The following ARFGEF1 variants were observed in gnomAD, a reference collection of about 807,000 sequenced individuals.
The protein encoded by ARFGEF1 is brefeldin A-inhibited guanine nucleotide-exchange protein 1.
Under a neutral mutation model 231.0 loss-of-function variants are expected in ARFGEF1, and 42 were observed. The ratio of observed to expected loss-of-function variants is 0.18; its 90% confidence interval spans 0.14 to 0.24. The LOEUF is 0.24. Ranked by LOEUF, ARFGEF1 falls within the 10% of genes least tolerant of loss-of-function variation. ARFGEF1 has a pLI of 1.00. For synonymous variants in ARFGEF1, 710 were observed against 732.3 expected (o/e 0.97, Z 0.49); for missense variants, 1,345 against 2,192.0 (o/e 0.61, Z 7.72).
intron 7 of ARFGEF1, among the ~76,000 whole-genome samples, chr8:67,284,126 A>T (rs1012325270): frequency 6.6e-6 from 1 of 152,208 alleles, no homozygotes; most frequent in Non-Finnish European, 1.5e-5. Context: ...TATCTGCATA[A>T]GGTAGTATTA....
In ARFGEF1 at chr8:67,198,524, C is replaced by T. The variant is rs1838195243; in HGVS notation, c.*410G>A. ...ATGAACAATAATTTCTTCTTCTCTC[C>T]CCACTCCCCAATTATAAACATTTTA... is the stretch of plus-strand genomic sequence containing the variant. On this transcript the variant is annotated 3_prime_UTR_variant, in exon 39 of 39. Coordinates refer to ENST00000262215, the MANE Select transcript of ARFGEF1 (RefSeq NM_006421.5). The T allele has an allele frequency of 1.0e-6, 1 of 990,844 alleles. No homozygotes were observed. The highest frequency in any genetic ancestry group is 4.6e-5 in the South Asian group (1 of 21,576). The allele number at this position is 990,844 out of a possible 1,614,324, so 61.4% of individuals were successfully genotyped here. A position where few individuals can be genotyped will look rare whatever the true frequency, so the allele number is the denominator to read the frequency against.
intron 7 of ARFGEF1, among the ~76,000 whole-genome samples, chr8:67,282,857 A>AG (rs1563887067): frequency 6.6e-6 from 1 of 151,800 alleles, no homozygotes; most frequent in East Asian, 1.9e-4. Context: ...CAAAAAAAAA[A>AG]AAAGAAAGAA....
chr8:67,186,422 A>C (rs1197212079), intron 5 of ARFGEF1, among the ~76,000 whole-genome samples: 1 of 124,378 alleles, frequency 8.0e-6, no homozygotes, highest in Non-Finnish European at 1.6e-5. Flanking sequence ...TTAAATTAAA[A>C]AAAAAAAAAA....
chr8:67,224,680 A>G (rs1476129534), intron 29 of ARFGEF1, among the ~76,000 whole-genome samples: 2 of 152,214 alleles, frequency 1.3e-5, no homozygotes, highest in Admixed American at 6.5e-5. Context: ...TGGAGGCTAT[A>G]ATCAAATATT....
intron 32 of ARFGEF1, among the ~76,000 whole-genome samples, 176 bp from the exon 33 acceptor site, chr8:67,216,838 G>A (rs1052336998): frequency 1.3e-5 from 2 of 152,056 alleles, no homozygotes; most frequent in Non-Finnish European, 1.5e-5. Flanking sequence ...TTTAAAATAT[G>A]TACTTTTAGA....
At chr8:67,285,134 A>G (rs1805699648) in intron 7 of ARFGEF1, among the ~76,000 whole-genome samples, 1 of 152,054 alleles carries the variant, frequency 6.6e-6, no homozygotes, top group African/African-American at 2.4e-5. Flanking sequence ...GCTCTTCTCT[A>G]TAGAAAAATG....
At chr8:67,211,714 T>C in intron 33 of ARFGEF1, 99 bp from the exon 34 acceptor site, 1 of 661,866 alleles carries the variant, frequency 1.5e-6, no homozygotes, top group Non-Finnish European at 2.2e-6. Context: ...ATTATGTCCC[T>C]ATGAAAATGA....
chr8:67,251,232 A>G (rs948763684), intron 19 of ARFGEF1, 67 bp downstream of exon 19: 120 of 1,407,614 alleles, frequency 8.5e-5, no homozygotes, highest in Non-Finnish European at 1.1e-4. Flanking sequence ...TCCTTAACTT[A>G]AAAATATTAT....
At chr8:67,309,930 A>G (rs1587282761) in intron 1 of ARFGEF1, among the ~76,000 whole-genome samples, 1 of 152,202 alleles carries the variant, frequency 6.6e-6, no homozygotes, top group East Asian at 1.9e-4. Context: ...TTAAAAACCA[A>G]TCATAATACT....
At position 67,201,565 on chromosome 8, in the gene ARFGEF1, C is replaced by T. The variant is rs1375576307; in HGVS notation, c.5169G>A (p.Glu1723=). The change falls in exon 37 of 39, where the codon GAG becomes GAA. Residue 1723 remains glutamate (E), a synonymous_variant. Transcript: ENST00000262215. ...GKSKPNLLKQ[E]TSSLACGLRI... is the part of the protein sequence containing the mutation. ...GCAGCCCACAGGCCAGGCTGCTGGTCTCCTGCTTCAGAAGGTTGGGCTTGG... is the reference window on the plus strand; with the variant it reads ...GCAGCCCACAGGCCAGGCTGCTGGTTTCCTGCTTCAGAAGGTTGGGCTTGG... 6 of 1,613,420 alleles carry T rather than the reference C, an allele frequency of 3.7e-6. No homozygotes were observed. In the South Asian group the frequency reaches 5.5e-5, roughly 15 times the overall value.
chr8:67,184,206 A>G (rs1024863062), intron 5 of ARFGEF1, among the ~76,000 whole-genome samples: 1 of 152,244 alleles, frequency 6.6e-6, no homozygotes, highest in South Asian at 2.1e-4. Flanking sequence ...CTGTGCATAC[A>G]TGAAGAAAGT....
intron 14 of ARFGEF1, among the ~76,000 whole-genome samples, chr8:67,264,040 G>A (rs1183800261): frequency 6.6e-6 from 1 of 152,108 alleles, no homozygotes; most frequent in Admixed American, 6.6e-5. Flanking sequence ...CAGAAAAGTG[G>A]CAGGAAATGA....
At chr8:67,194,375 ACTAT>A (rs1266985805), downstream of ARFGEF1, among the ~76,000 whole-genome samples, 1 of 152,206 alleles carries the variant, frequency 6.6e-6, no homozygotes, top group Non-Finnish European at 1.5e-5. Flanking sequence ...GTACTCATAT[ACTAT>A]CTATCTAGCA....
At chr8:67,326,913 C>G (rs1391221155) in intron 1 of ARFGEF1, among the ~76,000 whole-genome samples, 1 of 152,126 alleles carries the variant, frequency 6.6e-6, no homozygotes, top group Non-Finnish European at 1.5e-5. Context: ...TTTGAGAAAT[C>G]AAAGTGAGAA....
chr8:67,284,678 C>T (rs1563888633), intron 7 of ARFGEF1, among the ~76,000 whole-genome samples: 1 of 152,086 alleles, frequency 6.6e-6, no homozygotes, highest in African/African-American at 2.4e-5. Context: ...GAGGAGCAAC[C>T]TTGTGGTATT....
rs1323128804 is a variant in ARFGEF1 at position 67,200,453 on chromosome 8, G to T, written c.5328C>A (p.Ala1776=). 1 of 1,606,790 alleles carries T rather than the reference G, an allele frequency of 6.2e-7. No individual in the cohort carries two copies. The highest frequency in any genetic ancestry group is 8.5e-7 in the Non-Finnish European group (1 of 1,173,310). The change falls in exon 38 of 39, where the codon GCC becomes GCA. Residue 1776 remains alanine (A), a synonymous_variant. Coordinates refer to ENST00000262215, the MANE Select transcript of ARFGEF1 (RefSeq NM_006421.5). ...LTLTSESHRE[A]WTNLLLLFLT... The stretch of plus-strand genomic sequence containing the variant: ...GAAACAAAAGCAGTAAGTTAGTCCA[G>T]GCTTCTCGATGACTTTCTGATGTTA...
intron 17 of ARFGEF1, 35 bp downstream of exon 17, chr8:67,257,697 C>T (rs753152069): frequency 8.3e-6 from 12 of 1,449,494 alleles, no homozygotes; most frequent in Admixed American, 1.9e-5. Flanking sequence ...TATTTTGTAC[C>T]GCTTATTGTA....
chr8:67,276,499 C>G (rs543953867), intron 8 of ARFGEF1, among the ~76,000 whole-genome samples: 1 of 151,962 alleles, frequency 6.6e-6, no homozygotes. Flanking sequence ...TTTTTTCTCT[C>G]ACTCTGGGCA....
Position 67,266,280 on chromosome 8 carries a change from T to C in ARFGEF1, c.1922-73A>G. The C allele has an allele frequency of 1.6e-6, 2 of 1,215,794 alleles. No individual in the cohort carries two copies. Among genetic ancestry groups the C allele is most frequent in the Non-Finnish European group, 2.3e-6 (2 of 855,604 alleles). The allele number at this position is 1,215,794 out of a possible 1,614,324, so 75.3% of individuals were successfully genotyped here. A position where few individuals can be genotyped will look rare whatever the true frequency, so the allele number is the denominator to read the frequency against. On this transcript the variant is annotated intron_variant, in intron 13 of 38. Coordinates refer to ENST00000262215, the MANE Select transcript of ARFGEF1 (RefSeq NM_006421.5). ...AAAAAGTGTAAGGGCAAACAAATTC[T>C]TGAATAAGGCAAGGCGTTTCAATGT...
Sources: gnomAD v4.1 joint callset for allele counts (sites outside exome capture counted in the v4.1 genomes callset) on GRCh38, gnomAD v4.1.1 for gene constraint, MANE v1.5 for transcripts, NCBI Gene and HGNC (gene_info 2026-07-23, HGNC 2026-07-21) for gene names.